The following TBL1XR1 variants were observed in gnomAD, a reference collection of about 807,000 sequenced individuals.
TBL1XR1 encodes the protein F-box-like/WD repeat-containing protein TBL1XR1.
TBL1XR1 carries 5 observed loss-of-function variants against 66.9 expected under a neutral mutation model. That is an observed-to-expected ratio of 0.07 (90% CI 0.04 to 0.16). The LOEUF is 0.16. Among genes scored for constraint, TBL1XR1 ranks in the 10% least tolerant of loss-of-function variants. The probability of loss-of-function intolerance (pLI) is 1.00; values close to 1 mark genes in which losing one functional copy is unlikely to be tolerated. For missense variants in TBL1XR1, 238 were observed against 623.2 expected, an observed-to-expected ratio of 0.38 and a Z score of 6.58; for synonymous variants, 210 against 206.0, an observed-to-expected ratio of 1.02 and a Z score of -0.17.
intron 1 of TBL1XR1, chr3:177,126,228 G>A (rs775196164): frequency 2.6e-5 from 4 of 152,144 alleles, no homozygotes; most frequent in Non-Finnish European, 4.4e-5. Flanking sequence ...CTGACTCAAC[G>A]GCTAGATATG....
chr3:177,041,493 C>G (rs1715580488), intron 10 of TBL1XR1, among the ~76,000 whole-genome samples: 1 of 152,180 alleles, frequency 6.6e-6, no homozygotes, highest in Non-Finnish European at 1.5e-5. Flanking sequence ...AGAGGTTTTC[C>G]ACAATAAGTC....
chr3:177,124,075 C>T (rs1445750708), intron 1 of TBL1XR1, among the ~76,000 whole-genome samples: 1 of 151,940 alleles, frequency 6.6e-6, no homozygotes, highest in Non-Finnish European at 1.5e-5. Context: ...GAACAAAGAA[C>T]TAAAGAAGCC....
upstream of TBL1XR1, among the ~76,000 whole-genome samples, chr3:177,198,717 C>G (rs1165449370): frequency 2.0e-5 from 3 of 152,180 alleles, no homozygotes; most frequent in African/African-American, 7.2e-5. Flanking sequence ...TCGCTTATTA[C>G]TGCCTTCAAA....
At chr3:177,026,676 T>C in intron 14 of TBL1XR1, 1 of 487,148 alleles carries the variant, frequency 2.1e-6, no homozygotes, top group Non-Finnish European at 3.6e-6. Context: ...CTCAAAAGAT[T>C]ACTCACACAC....
At chr3:177,195,888 CA>C (rs556734628) in intron 1 of TBL1XR1, among the ~76,000 whole-genome samples, 61 of 152,314 alleles carry the variant, frequency 4.0e-4, no homozygotes, top group Non-Finnish European at 5.3e-4. Context: ...TAAAACTCTT[CA>C]CCCCTGGTGC....
chr3:177,046,563 T>C (rs548694015), intron 9 of TBL1XR1, among the ~76,000 whole-genome samples: 1 of 152,296 alleles, frequency 6.6e-6, no homozygotes, highest in Non-Finnish European at 1.5e-5. Flanking sequence ...TTCTCAATAC[T>C]GAAAGATTCT....
intron 1 of TBL1XR1, among the ~76,000 whole-genome samples, chr3:177,155,183 GA>G (rs1245213709): frequency 6.6e-6 from 1 of 152,058 alleles, no homozygotes; most frequent in African/African-American, 2.4e-5. Context: ...TAAGAAGCTA[GA>G]AAAAGGGCAA....
At chr3:177,177,079 GCT>G (rs1210456825) in intron 1 of TBL1XR1, among the ~76,000 whole-genome samples, 1 of 152,184 alleles carries the variant, frequency 6.6e-6, no homozygotes, top group African/African-American at 2.4e-5. Context: ...CTGACTCAAT[GCT>G]CTTCCCAATC....
chr3:177,039,091 A>G (rs1048445580), intron 10 of TBL1XR1, among the ~76,000 whole-genome samples: 1 of 152,232 alleles, frequency 6.6e-6, no homozygotes, highest in Non-Finnish European at 1.5e-5. Context: ...CTGTATAATG[A>G]TGCCATCTGG....
chr3:177,156,530 C>CAT (rs1731532529), intron 1 of TBL1XR1, among the ~76,000 whole-genome samples: 1 of 149,082 alleles, frequency 6.7e-6, no homozygotes, highest in Admixed American at 6.7e-5. Context: ...CACACACACA[C>CAT]ACACACACAC....
At chr3:177,154,016 A>C (rs1303233351) in intron 1 of TBL1XR1, among the ~76,000 whole-genome samples, 1 of 152,054 alleles carries the variant, frequency 6.6e-6, no homozygotes, top group Non-Finnish European at 1.5e-5. Context: ...AAAAAAGAAC[A>C]GATAAGACAA....
chr3:177,152,498 G>A (rs1193649953), intron 1 of TBL1XR1, among the ~76,000 whole-genome samples: 4 of 152,136 alleles, frequency 2.6e-5, no homozygotes, highest in Admixed American at 2.6e-4. Context: ...TTTTGGCCAG[G>A]CTTGTCTTGA....
At chr3:177,089,595 G>T (rs1486657414) in intron 2 of TBL1XR1, among the ~76,000 whole-genome samples, 1 of 152,124 alleles carries the variant, frequency 6.6e-6, no homozygotes. Context: ...CCAATAAAGG[G>T]TTATAATCAA....
chr3:177,073,964 A>G (rs1192677177), intron 2 of TBL1XR1, among the ~76,000 whole-genome samples: 2 of 152,208 alleles, frequency 1.3e-5, no homozygotes, highest in African/African-American at 4.8e-5. Context: ...ATTTCCCAAG[A>G]AAACCCATTC....
chr3:177,060,121 C>T (rs911050798), intron 3 of TBL1XR1, among the ~76,000 whole-genome samples: 1 of 152,158 alleles, frequency 6.6e-6, no homozygotes, highest in Admixed American at 6.5e-5. Flanking sequence ...TTCCTTGCCC[C>T]TCAACTTGCA....
At chr3:177,161,495 C>T (rs183884289) in intron 1 of TBL1XR1, among the ~76,000 whole-genome samples, 1 of 152,202 alleles carries the variant, frequency 6.6e-6, no homozygotes, top group East Asian at 1.9e-4. Flanking sequence ...ATAAAAGGCA[C>T]TAATTGGCCA....
intron 1 of TBL1XR1, among the ~76,000 whole-genome samples, chr3:177,134,253 C>A (rs1333155380): frequency 4.6e-5 from 7 of 152,280 alleles, no homozygotes; most frequent in South Asian, 2.1e-4. Context: ...TAGACTGATT[C>A]TGTTGCTTGC....
chr3:177,149,715 G>C (rs766319490), intron 1 of TBL1XR1, among the ~76,000 whole-genome samples: 3 of 152,070 alleles, frequency 2.0e-5, no homozygotes. Flanking sequence ...TAAATGGTTG[G>C]GGGGGCCGGA....
At chr3:177,133,895 A>T (rs1393036737) in intron 1 of TBL1XR1, among the ~76,000 whole-genome samples, 2 of 151,032 alleles carry the variant, frequency 1.3e-5, no homozygotes, top group African/African-American at 4.9e-5. Flanking sequence ...AAAAAAAAAA[A>T]GTAACACTCC....
Sources: allele counts gnomAD v4.1 joint callset (sites outside exome capture counted in the v4.1 genomes callset), GRCh38; gene constraint gnomAD v4.1.1; transcripts MANE v1.5; gene names NCBI Gene and HGNC (gene_info 2026-07-23, HGNC 2026-07-21).